SPTBN4: variants seen among roughly 807,000 people sequenced by gnomAD.
The protein encoded by SPTBN4 is spectrin beta chain, non-erythrocytic 4.
A neutral mutation model predicts 277.8 loss-of-function variants in SPTBN4; 96 were observed. The ratio of observed to expected loss-of-function variants is 0.35; its 90% confidence interval spans 0.29 to 0.41. The LOEUF is 0.41. Among genes scored for constraint, SPTBN4 ranks in the 10% least tolerant of loss-of-function variants. The pLI is 1.00. For missense variants in SPTBN4, 3,006 were observed against 3,595.7 expected, an observed-to-expected ratio of 0.84 and a Z score of 4.19; for synonymous variants, 1,481 against 1,580.3, an observed-to-expected ratio of 0.94 and a Z score of 1.49.
In SPTBN4 at chr19:40,503,904, G is replaced by A. The variant is rs368007858; in HGVS notation, c.1437G>A (p.Ala479=). The A allele has an allele frequency of 6.8e-6, 11 of 1,612,918 alleles. No individual in the cohort carries two copies. Among genetic ancestry groups the A allele is most frequent in the African/African-American group, 5.3e-5 (4 of 74,886 alleles). The change falls in exon 12 of 36, where the codon GCG becomes GCA. Residue 479 remains alanine, a synonymous_variant. Coordinates refer to ENST00000598249, the MANE Select transcript of SPTBN4 (RefSeq NM_020971.3). The part of the protein sequence containing the change: ...KKHEAIEADI[A]AYEERVQGVA... ...ACGAAGCGATCGAGGCAGACATTGCGGCCTACGAGGAGCGGGTGCAGGGTG... is the reference window on the plus strand; with the variant it reads ...ACGAAGCGATCGAGGCAGACATTGCAGCCTACGAGGAGCGGGTGCAGGGTG...
rs867904316 is a variant in SPTBN4, at chr19:40,534,066, C to T, written c.4096-14C>T. The T allele has an allele frequency of 1.3e-6, 2 of 1,592,262 alleles. No homozygotes were observed. The highest frequency in any genetic ancestry group is 1.7e-6 in the Non-Finnish European group (2 of 1,164,578). On this transcript the variant is annotated splice_polypyrimidine_tract_variant and intron_variant, in intron 19 of 35. Transcript: ENST00000598249. ...TATCTTCTCCATCTCCTGCCATCCA[C>T]CCACTTGGGGCAGGAGGGCCAGCAA...
In SPTBN4 at chr19:40,566,289, G is replaced by A. The variant is rs1437749101; in HGVS notation, c.6266G>A (p.Arg2089Gln). ...GATGAGGTGGAGCAGCTTATCCGGC[G>A]ACATGAGGCCTTCCGCAAAGCGGCT... ...SVDEVEQLIRRHEAFRKAAAA... is the reference protein window; with the variant it reads ...SVDEVEQLIRQHEAFRKAAAA... The change falls in exon 30 of 36, where the codon CGA (arginine) becomes CAA (glutamine). Residue 2089 changes from arginine to glutamine, a missense_variant. By Grantham distance (43) the Arg-to-Gln change is conservative. Coordinates refer to ENST00000598249, the MANE Select transcript of SPTBN4 (RefSeq NM_020971.3). The A allele has an allele frequency of 2.5e-6, 4 of 1,593,120 alleles. No homozygotes were observed. The highest frequency in any genetic ancestry group is 2.3e-5 in the South Asian group (2 of 87,632).
In SPTBN4 at chr19:40,560,061, C is replaced by G; in HGVS notation, c.5671-98C>G. 1 of 1,449,776 alleles carries G rather than the reference C, an allele frequency of 6.9e-7. No homozygotes were observed. The highest frequency in any genetic ancestry group is 9.0e-7 in the Non-Finnish European group (1 of 1,105,786). 89.8% of individuals were successfully genotyped at this position (1,449,776 alleles called of 1,614,324 possible). On this transcript the variant is annotated intron_variant, in intron 26 of 35. Coordinates refer to ENST00000598249, the MANE Select transcript of SPTBN4 (RefSeq NM_020971.3). This position sits in a 1 kb window ranked among gnomAD's most constrained non-coding sequence, Gnocchi z 5.2. ...GGCTGTGGGATCACAGTGTGAGGCT[C>G]CTTATATCTTGAGGTTCTGCGCTGG...
At chr19:40,499,804 T>C (rs4564702) in intron 7 of SPTBN4, among the ~76,000 whole-genome samples, 1 of 152,048 alleles carries the variant, frequency 6.6e-6, no homozygotes, top group Non-Finnish European at 1.5e-5. Context: ...GAATTCATGG[T>C]CTTAATCAGT....
intron 20 of SPTBN4, among the ~76,000 whole-genome samples, chr19:40,537,395 A>T (rs1400773271): frequency 6.6e-6 from 1 of 152,228 alleles, no homozygotes; most frequent in East Asian, 1.9e-4. Flanking sequence ...AGCACAGGTC[A>T]TCAGGTCTCT....
At chr19:40,500,714 G>T (rs1054437037) in intron 7 of SPTBN4, among the ~76,000 whole-genome samples, 3 of 152,126 alleles carry the variant, frequency 2.0e-5, no homozygotes, top group Admixed American at 1.3e-4. Flanking sequence ...GGGCGTGGTG[G>T]TGTGTGCCTG....
At chr19:40,514,046 T>A (rs1253592159) in intron 14 of SPTBN4, among the ~76,000 whole-genome samples, 1 of 152,222 alleles carries the variant, frequency 6.6e-6, no homozygotes, top group African/African-American at 2.4e-5. Context: ...CATTTCTTTG[T>A]AGCACTTACC....
intron 17 of SPTBN4, chr19:40,524,505 C>A (rs754583087): frequency 2.2e-6 from 1 of 445,324 alleles, no homozygotes; most frequent in Non-Finnish European, 4.5e-6. Flanking sequence ...ACATTCTGTC[C>A]CCCCTCCAAA....
At chr19:40,546,654 A>G (rs891720401) in intron 20 of SPTBN4, among the ~76,000 whole-genome samples, 1 of 152,160 alleles carries the variant, frequency 6.6e-6, no homozygotes, top group Non-Finnish European at 1.5e-5. Context: ...CAGCCTGGGC[A>G]ACATAGCAAG....
At position 40,560,440 on chromosome 19, in the gene SPTBN4, CT is replaced by C. The variant is rs1179706129; in HGVS notation, c.5915+38del. 1.9e-6 allele frequency: 3 copies of C among 1,613,090 alleles called. No individual in the cohort carries two copies. Among genetic ancestry groups the C allele is most frequent in the African/African-American group, 1.3e-5 (1 of 74,940 alleles). On this transcript the variant is annotated intron_variant, in intron 27 of 35. Transcript: ENST00000598249. The surrounding 1 kb of genome is among the most constrained non-coding windows in gnomAD (Gnocchi z 5.2). ...CCCTCCTCGGGCTTCCTGCCTCCCC[CT>C]GGTGGCCTACCCCAGCCACCCCCAG...
intron 16 of SPTBN4, among the ~76,000 whole-genome samples, chr19:40,521,819 C>T (rs578047095): frequency 1.3e-5 from 2 of 152,102 alleles, no homozygotes; most frequent in Non-Finnish European, 2.9e-5. Context: ...TCTGACCCAC[C>T]CATTTAAAAA....
intron 15 of SPTBN4, among the ~76,000 whole-genome samples, chr19:40,516,984 A>T (rs2080468170): frequency 6.6e-6 from 1 of 152,212 alleles, no homozygotes; most frequent in Non-Finnish European, 1.5e-5. Flanking sequence ...TACTACCAGC[A>T]ATTCTCCCAG....
rs201094636 is a variant in SPTBN4, at chr19:40,557,395, G to C, written c.5662G>C (p.Val1888Leu). The change falls in exon 26 of 36, where the codon GTG becomes CTG. Residue 1888 changes from valine to leucine, a missense_variant. Transcript: ENST00000598249. ...CTTTGAGCATGACCTGCAGCTCCTCGTGTCCCAGGTGGGGCGCCGGTGGCC... is the reference window on the plus strand; with the variant it reads ...CTTTGAGCATGACCTGCAGCTCCTCCTGTCCCAGGTGGGGCGCCGGTGGCC... ...RAFEHDLQLL[V>L]SQVRQLQEGA... 1.3e-6 allele frequency: 2 copies of C among 1,560,850 alleles called. No individual in the cohort carries two copies. The highest frequency in any genetic ancestry group is 1.7e-6 in the Non-Finnish European group (2 of 1,149,696).
At chr19:40,555,489 C>CCAAAA in intron 24 of SPTBN4, among the ~76,000 whole-genome samples, 1 of 74,902 alleles carries the variant, frequency 1.3e-5, no homozygotes. Flanking sequence ...GACTCCGTCT[C>CCAAAA]AAAAAAAAAA....
At chr19:40,510,504 C>G (rs983071357) in intron 13 of SPTBN4, among the ~76,000 whole-genome samples, 6 of 152,148 alleles carry the variant, frequency 3.9e-5, no homozygotes, top group South Asian at 2.1e-4. Flanking sequence ...GGGGTTTTGC[C>G]GTGTTACCCA....
chr19:40,549,345 G>A lies in SPTBN4; in HGVS notation c.4516G>A (p.Glu1506Lys), dbSNP rs2080891803. The A allele has an allele frequency of 1.3e-6, 2 of 1,535,806 alleles. No homozygotes were observed. Among genetic ancestry groups the A allele is most frequent in the African/African-American group, 1.4e-5 (1 of 72,680 alleles). Reference sequence around the variant, plus strand: ...GGTGCGCCTGCTCGAGCCGTTGCAGGAGCGCCGCCGCTTGCTGCTGGCTTC... The same window carrying A: ...GGTGCGCCTGCTCGAGCCGTTGCAGAAGCGCCGCCGCTTGCTGCTGGCTTC... Reference protein sequence around the residue: ...RLVRLLEPLQERRRLLLASKE... With the variant: ...RLVRLLEPLQKRRRLLLASKE... The change falls in exon 21 of 36, where the codon GAG becomes AAG. Residue 1506 changes from glutamate to lysine, a missense_variant. Glu to Lys is a moderately conservative substitution (Grantham distance 56). Coordinates refer to ENST00000598249, the MANE Select transcript of SPTBN4 (RefSeq NM_020971.3).
At chr19:40,499,195 A>ATTT (rs59982692) in intron 7 of SPTBN4, among the ~76,000 whole-genome samples, 24,421 of 138,662 alleles carry the variant, frequency 0.18, 2,440 homozygotes, top group Non-Finnish European at 0.23. Context: ...AGCCTGGCTA[A>ATTT]TTTTTTTTTT....
chr19:40,507,811 T>G (rs1403500270), intron 13 of SPTBN4, among the ~76,000 whole-genome samples: 1 of 152,162 alleles, frequency 6.6e-6, no homozygotes, highest in East Asian at 1.9e-4. Context: ...CACTCCAGCC[T>G]AGGTGACAGA....
chr19:40,531,490 T>G (rs1599772413), intron 18 of SPTBN4, among the ~76,000 whole-genome samples: 3 of 105,616 alleles, frequency 2.8e-5, no homozygotes, highest in African/African-American at 1.2e-4. Context: ...TTTTTTTTTT[T>G]TTTTTTTTTG....
Sources: allele counts gnomAD v4.1 joint callset (sites outside exome capture counted in the v4.1 genomes callset), GRCh38; gene constraint gnomAD v4.1.1; non-coding constraint Gnocchi (gnomAD v3.1); transcripts MANE v1.5; gene names NCBI Gene and HGNC (gene_info 2026-07-23, HGNC 2026-07-21).